The following SAMD4A variants were observed in gnomAD, a reference collection of about 807,000 sequenced individuals.
The protein encoded by SAMD4A is protein Smaug homolog 1.
A neutral mutation model predicts 81.3 loss-of-function variants in SAMD4A; 33 were observed. The ratio of observed to expected loss-of-function variants is 0.41; its 90% CI spans 0.31 to 0.54. The LOEUF (loss-of-function observed/expected upper bound fraction) is 0.54, where lower values mean the gene tolerates loss of function less well. Ranked by LOEUF, SAMD4A falls within the 20% of genes least tolerant of loss-of-function variation. The pLI is 0.37. For synonymous variants in SAMD4A, 389 were observed against 382.1 expected (o/e 1.02, Z -0.21); for missense variants, 854 against 951.1 (o/e 0.90, Z 1.34).
intron 2 of SAMD4A, among the ~76,000 whole-genome samples, chr14:54,637,911 A>G (rs1378208195): frequency 5.3e-5 from 8 of 152,184 alleles, no homozygotes; most frequent in Non-Finnish European, 1.0e-4. Flanking sequence ...TCATACACCA[A>G]TAAACAACGT....
intron 2 of SAMD4A, among the ~76,000 whole-genome samples, chr14:54,587,359 C>T (rs960665304): frequency 2.6e-4 from 40 of 152,180 alleles, no homozygotes; most frequent in African/African-American, 9.4e-4. Flanking sequence ...GGTATACAAT[C>T]ATATCATCAG....
At chr14:54,688,686 A>G (rs1313918629) in intron 2 of SAMD4A, among the ~76,000 whole-genome samples, 1 of 151,994 alleles carries the variant, frequency 6.6e-6, no homozygotes, top group Admixed American at 6.5e-5. Context: ...AAATCCAACA[A>G]CTTCCTCTAA....
upstream of SAMD4A, among the ~76,000 whole-genome samples, chr14:54,566,100 G>C (rs1042933613): frequency 1.3e-5 from 2 of 151,508 alleles, no homozygotes; most frequent in South Asian, 2.1e-4. Context: ...GCTCCGGCTC[G>C]GGCGGCTCAG....
At chr14:54,635,708 A>G (rs568972655) in intron 2 of SAMD4A, among the ~76,000 whole-genome samples, 2 of 151,900 alleles carry the variant, frequency 1.3e-5, no homozygotes, top group African/African-American at 2.4e-5. Flanking sequence ...AGATTGCACC[A>G]CTGCACTCCA....
At position 54,696,731 on chromosome 14, in the gene SAMD4A, T is replaced by G. The variant is rs547528887; in HGVS notation, c.197-5331T>G. On this transcript the variant is annotated intron_variant, in intron 2 of 12. Transcript: ENST00000554335. ...CCTCATGGTCTTTAATTATAGCTCT[T>G]CTAATTTTTTTTACTACTCCTATGT... The G allele has an allele frequency of 5.3e-5, 8 of 152,348 alleles. No homozygotes were observed. The East Asian group carries it at 1.5e-3, about 29-fold the overall frequency. The allele number at this position is 152,348 out of a possible 1,614,324, so 9.4% of individuals were successfully genotyped here.
intron 3 of SAMD4A, chr14:54,734,844 A>T (rs1024384661): frequency 2.6e-5 from 4 of 152,228 alleles, no homozygotes; most frequent in African/African-American, 9.6e-5. Context: ...TTAGTTACCT[A>T]TTCAGTTATG....
chr14:54,652,364 C>G (rs986125233), intron 2 of SAMD4A, among the ~76,000 whole-genome samples: 1 of 152,196 alleles, frequency 6.6e-6, no homozygotes, highest in Non-Finnish European at 1.5e-5. Context: ...TGAAGTAGTA[C>G]GGAAACTCCA....
intron 2 of SAMD4A, among the ~76,000 whole-genome samples, chr14:54,700,654 G>A (rs17729954): frequency 0.036 from 5,515 of 152,276 alleles, 149 homozygotes; most frequent in Non-Finnish European, 0.056. Context: ...CCAGTGTTGA[G>A]ATCTCCAGGT....
intron 2 of SAMD4A, among the ~76,000 whole-genome samples, chr14:54,577,093 G>T (rs1017982808): frequency 6.6e-6 from 1 of 152,258 alleles, no homozygotes; most frequent in Non-Finnish European, 1.5e-5. Context: ...GCTGTGGGCA[G>T]TGGGGGCTTA....
chr14:54,572,166 A>G (rs927919386), intron 2 of SAMD4A, among the ~76,000 whole-genome samples: 3 of 152,166 alleles, frequency 2.0e-5, no homozygotes, highest in Non-Finnish European at 4.4e-5. Context: ...AGATACTCTT[A>G]GTGTGGGGTA....
chr14:54,748,856 G>T lies in SAMD4A; in HGVS notation c.1021G>T (p.Ala341Ser). ...GAAAAGCCTCCGCCTGCACAAATATGCCGCGCTTTTCTCCCAGATGACCTA... is the reference window on the plus strand; with the variant it reads ...GAAAAGCCTCCGCCTGCACAAATATTCCGCGCTTTTCTCCCAGATGACCTA... The part of the protein sequence containing the change: ...WLKSLRLHKY[A>S]ALFSQMTYEE... Residue 341 changes from alanine to serine, a missense_variant, in exon 5 of 13, where the codon GCC becomes TCC. Transcript: ENST00000554335. 1 of 1,555,368 alleles carries T rather than the reference G, an allele frequency of 6.4e-7. No homozygotes were observed. The highest frequency in any genetic ancestry group is 8.7e-7 in the Non-Finnish European group (1 of 1,148,640).
intron 8 of SAMD4A, among the ~76,000 whole-genome samples, chr14:54,765,605 C>T (rs1248672873): frequency 6.6e-6 from 1 of 151,860 alleles, no homozygotes; most frequent in Non-Finnish European, 1.5e-5. Context: ...CCAGCAAGAG[C>T]AACACAGTGA....
intron 3 of SAMD4A, chr14:54,702,889 A>C (rs762508062): frequency 3.1e-6 from 1 of 320,136 alleles, no homozygotes; most frequent in Non-Finnish European, 5.8e-6. Context: ...CATTTCACCC[A>C]TGTCTTTCAC....
intron 2 of SAMD4A, among the ~76,000 whole-genome samples, chr14:54,576,203 G>A (rs769981345): frequency 1.3e-5 from 2 of 151,962 alleles, no homozygotes; most frequent in African/African-American, 2.4e-5. Context: ...GAATCCAAGC[G>A]TCTGTGTGTG....
At chr14:54,618,939 TA>T (rs1450027005) in intron 2 of SAMD4A, among the ~76,000 whole-genome samples, 1 of 152,180 alleles carries the variant, frequency 6.6e-6, no homozygotes, top group Non-Finnish European at 1.5e-5. Context: ...ACTAGCATCA[TA>T]AAAAAGTCAT....
intron 3 of SAMD4A, among the ~76,000 whole-genome samples, chr14:54,723,990 TTGGATGGATGGA>T (rs1212264117): frequency 3.4e-5 from 3 of 88,466 alleles, no homozygotes; most frequent in Non-Finnish European, 5.4e-5. Context: ...TCAGCAAATA[TTGGATGGATGGA>T]TGGATGGAAG....
Position 54,696,513 on chromosome 14 carries a change from G to A in SAMD4A, c.197-5549G>A, listed in dbSNP as rs146462063. The stretch of plus-strand genomic sequence containing the variant: ...TTGCATGAGCAAATTGCCTAAATGC[G>A]CTTGTGAGAAACCCTTTTATGGCAA... On this transcript the variant is annotated intron_variant, in intron 2 of 12. Coordinates refer to ENST00000554335, the MANE Select transcript of SAMD4A (RefSeq NM_015589.6). Among the ~76,000 whole-genome samples, 589 of 152,288 alleles carry A rather than the reference G, an allele frequency of 3.9e-3. 5 individuals carry two copies. Among genetic ancestry groups the A allele is most frequent in the African/African-American group, 0.014 (562 of 41,540 alleles).
chr14:54,568,690 C>T (rs1344915974), intron 2 of SAMD4A, among the ~76,000 whole-genome samples: 1 of 31,876 alleles, frequency 3.1e-5, no homozygotes, highest in African/African-American at 1.3e-4. Context: ...ACATTTGCAG[C>T]ATATATATAT....
chr14:54,687,466 C>G (rs2036304710), intron 2 of SAMD4A: 3 of 414,168 alleles, frequency 7.2e-6, no homozygotes, highest in Non-Finnish European at 1.4e-5. Context: ...AAAAAGGCAG[C>G]CAAAAAACAA....
Sources: gnomAD v4.1 joint callset for allele counts (sites outside exome capture counted in the v4.1 genomes callset) on GRCh38, gnomAD v4.1.1 for gene constraint, MANE v1.5 for transcripts, NCBI Gene and HGNC (gene_info 2026-07-23, HGNC 2026-07-21) for gene names.